PCAT7: variants seen among roughly 807,000 people sequenced by gnomAD.
PCAT7 encodes prostate cancer associated transcript 7 (non-protein coding).
At chr9:94,564,836 A>G (rs368929450) in intron 2 of PCAT7, among the ~76,000 whole-genome samples, 18 of 152,144 alleles carry the variant, frequency 1.2e-4, no homozygotes, top group African/African-American at 4.1e-4. Context: ...ATAAAATTAC[A>G]CCTGCATCAT....
chr9:94,562,319 A>C (rs1362607191), intron 2 of PCAT7, among the ~76,000 whole-genome samples: 1 of 151,604 alleles, frequency 6.6e-6, no homozygotes, highest in Non-Finnish European at 1.5e-5. Context: ...CAAAAAAAAA[A>C]AAAAAAAAAA....
At chr9:94,558,924 TG>T (rs1564177649) in intron 1 of PCAT7, 6 of 1,613,434 alleles carry the variant, frequency 3.7e-6, no homozygotes, top group Admixed American at 1.7e-5. Context: ...AGAGGGCATG[TG>T]GGGTCAAACT....
chr9:94,567,236 T>C (rs765532722), intron 2 of PCAT7: 1 of 1,612,720 alleles, frequency 6.2e-7, no homozygotes, highest in South Asian at 1.1e-5. Context: ...GGGACAGCAT[T>C]CTGTCTGCCA....
intron 1 of PCAT7, among the ~76,000 whole-genome samples, chr9:94,556,418 G>C (rs1005038141): frequency 6.6e-5 from 10 of 151,896 alleles, no homozygotes; most frequent in African/African-American, 1.9e-4. Flanking sequence ...CGGTGAAAAA[G>C]TTTGGGGTAG....
chr9:94,561,293 T>C (rs10821367), intron 2 of PCAT7, among the ~76,000 whole-genome samples: 92,000 of 150,500 alleles, frequency 0.61, 28,397 homozygotes, highest in Admixed American at 0.73. Flanking sequence ...AAATTTAATA[T>C]CAAAATGCCC....
In PCAT7 at chr9:94,557,055, C is replaced by T. The variant is rs557104579; in HGVS notation, n.257+1745C>T. Among the ~76,000 whole-genome samples, 16 of 152,296 alleles carry T rather than the reference C, an allele frequency of 1.1e-4. No individual in the cohort carries two copies. In the South Asian group the frequency reaches 3.3e-3, roughly 32 times the overall value. ...CTTGTCTATGTCTGTCTGTCTCATT[C>T]GTTCATCTCTCTGTCTCTCCCCTGC... On this transcript the variant is annotated intron_variant and non_coding_transcript_variant, in intron 1 of 8. Transcript: ENST00000647389.
intron 2 of PCAT7, among the ~76,000 whole-genome samples, chr9:94,572,281 T>A (rs1368849492): frequency 1.3e-5 from 2 of 152,090 alleles, no homozygotes; most frequent in Non-Finnish European, 2.9e-5. Flanking sequence ...AAATGGGGAC[T>A]CTTAGCTGCT....
intron 2 of PCAT7, chr9:94,569,735 C>G (rs1702177846): frequency 1.3e-5 from 2 of 152,188 alleles, no homozygotes; most frequent in Admixed American, 6.5e-5. Flanking sequence ...TAAATGAATG[C>G]CTTGACATTG....
At chr9:94,572,682 C>A (rs1003215843) in intron 2 of PCAT7, among the ~76,000 whole-genome samples, 8 of 152,042 alleles carry the variant, frequency 5.3e-5, no homozygotes, top group African/African-American at 1.9e-4. Context: ...ATCCAGTCCA[C>A]AGATATTGCA....
chr9:94,571,346 C>G, intron 2 of PCAT7: 1 of 1,133,902 alleles, frequency 8.8e-7, no homozygotes, highest in African/African-American at 1.6e-5. Flanking sequence ...TCTCAGGACC[C>G]CTGGTCCCCA....
chr9:94,561,645 G>A (rs1003831275), intron 2 of PCAT7, among the ~76,000 whole-genome samples: 10 of 152,014 alleles, frequency 6.6e-5, no homozygotes, highest in Admixed American at 1.3e-4. Flanking sequence ...GATTACAGGC[G>A]TGAGCCACCG....
chr9:94,569,555 C>A (rs562920144), intron 2 of PCAT7: 3 of 152,362 alleles, frequency 2.0e-5, no homozygotes, highest in Admixed American at 2.0e-4. Context: ...CCGGGACACT[C>A]AGGCCCTGGG....
chr9:94,561,831 T>A (rs1827109398), intron 2 of PCAT7, among the ~76,000 whole-genome samples: 1 of 152,096 alleles, frequency 6.6e-6, no homozygotes, highest in Non-Finnish European at 1.5e-5. Context: ...GAACTTTCAG[T>A]ATGGGTGGTG....
intron 2 of PCAT7, among the ~76,000 whole-genome samples, chr9:94,561,352 A>ACTTTTTTTTTTT (rs1827097696): frequency 3.6e-5 from 2 of 54,990 alleles, no homozygotes; most frequent in African/African-American, 7.8e-5. Flanking sequence ...TGTGACCTGT[A>ACTTTTTTTTTTT]TTTTTTTTTT....
intron 2 of PCAT7, among the ~76,000 whole-genome samples, chr9:94,562,929 G>C (rs189063110): frequency 1.7e-3 from 255 of 152,324 alleles, no homozygotes; most frequent in African/African-American, 5.9e-3. Context: ...CGTGTAATTT[G>C]TATGTAATGT....
chr9:94,566,076 A>G (rs534814121), intron 2 of PCAT7, among the ~76,000 whole-genome samples: 6 of 152,350 alleles, frequency 3.9e-5, no homozygotes, highest in African/African-American at 1.4e-4. Flanking sequence ...TAATCTTCTC[A>G]TCAAACAATG....
At chr9:94,566,390 AGCAC>A (rs1827190265) in intron 2 of PCAT7, among the ~76,000 whole-genome samples, 2 of 152,284 alleles carry the variant, frequency 1.3e-5, no homozygotes, top group South Asian at 4.1e-4. Flanking sequence ...CACAAACAAT[AGCAC>A]GAGTGATCTG....
chr9:94,557,616 A>G (rs1476402864), intron 1 of PCAT7, among the ~76,000 whole-genome samples: 1 of 152,220 alleles, frequency 6.6e-6, no homozygotes, highest in Non-Finnish European at 1.5e-5. Flanking sequence ...GTGGGAAAGG[A>G]GAGCCTTGCT....
At chr9:94,565,045 C>T (rs955216464) in intron 2 of PCAT7, among the ~76,000 whole-genome samples, 2 of 151,964 alleles carry the variant, frequency 1.3e-5, no homozygotes, top group Non-Finnish European at 2.9e-5. Flanking sequence ...AGTATGTATC[C>T]CATAAATATG....
Sources: gnomAD v4.1 joint callset for allele counts (sites outside exome capture counted in the v4.1 genomes callset) on GRCh38, gnomAD v4.1.1 for gene constraint, MANE v1.5 for transcripts, NCBI Gene and HGNC (gene_info 2026-07-23, HGNC 2026-07-21) for gene names.